Variants in MAD1L1 observed in about 807,000 individuals in gnomAD.
The protein encoded by MAD1L1 is mitotic spindle assembly checkpoint protein MAD1.
MAD1L1 carries 95 observed loss-of-function variants against 96.9 expected under a neutral mutation model. The ratio of observed to expected loss-of-function variants is 0.98; its 90% confidence interval spans 0.83 to 1.16. MAD1L1 has a LOEUF of 1.16. Among genes scored for constraint, MAD1L1 ranks in the 50% most tolerant of loss-of-function variants. The pLI is 0.00. For missense variants in MAD1L1, 1,007 were observed against 954.4 expected (o/e 1.06, Z -0.73); for synonymous variants, 473 against 396.6 (o/e 1.19, Z -2.29).
At chr7:2,028,195 G>A (rs1366163484) in intron 12 of MAD1L1, among the ~76,000 whole-genome samples, 2 of 152,096 alleles carry the variant, frequency 1.3e-5, no homozygotes, top group African/African-American at 4.8e-5. Flanking sequence ...GGAGGCCGAG[G>A]CAGGCGGATT....
At chr7:1,841,914 C>A (rs1391356410) in intron 18 of MAD1L1, among the ~76,000 whole-genome samples, 1 of 152,144 alleles carries the variant, frequency 6.6e-6, no homozygotes, top group African/African-American at 2.4e-5. Context: ...GCTGAGAACC[C>A]GGTAGCCAGG....
intron 14 of MAD1L1, among the ~76,000 whole-genome samples, chr7:1,987,835 T>C (rs1032543979): frequency 2.0e-5 from 3 of 152,150 alleles, no homozygotes; most frequent in African/African-American, 7.2e-5. Context: ...CACAGGCACC[T>C]GTGCCTCCAG....
At chr7:2,027,740 T>C (rs1421639884) in intron 12 of MAD1L1, among the ~76,000 whole-genome samples, 1 of 152,222 alleles carries the variant, frequency 6.6e-6, no homozygotes, top group Non-Finnish European at 1.5e-5. Context: ...AGGATTTCCT[T>C]ACTAAAGTCG....
At chr7:2,078,230 C>T (rs997808983) in intron 11 of MAD1L1, among the ~76,000 whole-genome samples, 2 of 152,180 alleles carry the variant, frequency 1.3e-5, no homozygotes, top group African/African-American at 4.8e-5. Context: ...GCCCTGGGAC[C>T]TACAGGGTTG....
chr7:2,207,613 C>G (rs1009493916), intron 10 of MAD1L1, among the ~76,000 whole-genome samples: 1 of 152,228 alleles, frequency 6.6e-6, no homozygotes, highest in Non-Finnish European at 1.5e-5. Context: ...CCTCTCCTCA[C>G]ACCTCACTCT....
At chr7:1,941,693 G>A (rs1296584379) in intron 16 of MAD1L1, among the ~76,000 whole-genome samples, 1 of 152,230 alleles carries the variant, frequency 6.6e-6, no homozygotes. Flanking sequence ...GGTTCCCGTG[G>A]CCCGGCTTCC....
chr7:2,169,172 G>A (rs909237383), intron 10 of MAD1L1, among the ~76,000 whole-genome samples: 5 of 152,152 alleles, frequency 3.3e-5, no homozygotes, highest in Non-Finnish European at 5.9e-5. Flanking sequence ...GACCTATGAC[G>A]CAAACGCAGG....
At chr7:2,161,445 C>T (rs142930614) in intron 10 of MAD1L1, among the ~76,000 whole-genome samples, 12,995 of 152,032 alleles carry the variant, frequency 0.085, 747 homozygotes, top group Non-Finnish European at 0.13. Context: ...GGCGTGATCT[C>T]GGCTCGCTAC....
chr7:1,914,281 G>A (rs1055935168), intron 17 of MAD1L1, among the ~76,000 whole-genome samples: 2 of 152,228 alleles, frequency 1.3e-5, no homozygotes, highest in African/African-American at 2.4e-5. Flanking sequence ...GCCCAGGACC[G>A]CACGTGGGAA....
chr7:2,190,807 G>C (rs901220525), intron 10 of MAD1L1, among the ~76,000 whole-genome samples: 1 of 152,170 alleles, frequency 6.6e-6, no homozygotes, highest in Non-Finnish European at 1.5e-5. Flanking sequence ...GAATGCATTC[G>C]GGATGCGGGG....
intron 18 of MAD1L1, among the ~76,000 whole-genome samples, chr7:1,860,818 G>A (rs1432254704): frequency 6.6e-6 from 1 of 152,236 alleles, no homozygotes; most frequent in Non-Finnish European, 1.5e-5. Flanking sequence ...AGCATCCCGA[G>A]CACAAGGGCA....
At chr7:1,982,221 A>G (rs1780938517) in intron 14 of MAD1L1, among the ~76,000 whole-genome samples, 1 of 151,810 alleles carries the variant, frequency 6.6e-6, no homozygotes, top group East Asian at 1.9e-4. Context: ...ACATAAATAT[A>G]CATATATATT....
chr7:2,150,055 A>C (rs536811858), intron 10 of MAD1L1, among the ~76,000 whole-genome samples: 154 of 152,308 alleles, frequency 1.0e-3, no homozygotes, highest in African/African-American at 3.6e-3. Context: ...GCAGGTCCAC[A>C]TAGAAAGCAG....
chr7:1,929,253 C>T (rs1373793766), intron 17 of MAD1L1, among the ~76,000 whole-genome samples: 1 of 152,188 alleles, frequency 6.6e-6, no homozygotes, highest in Non-Finnish European at 1.5e-5. Context: ...CCCTGCCTCC[C>T]TCCTCCCCAA....
intron 18 of MAD1L1, among the ~76,000 whole-genome samples, chr7:1,840,917 G>T (rs1783217161): frequency 6.6e-6 from 1 of 152,232 alleles, no homozygotes; most frequent in Non-Finnish European, 1.5e-5. Flanking sequence ...ACGGCGAGAG[G>T]CCACGCAGGC....
At chr7:1,978,888 C>G (rs1780767763) in intron 15 of MAD1L1, among the ~76,000 whole-genome samples, 1 of 152,212 alleles carries the variant, frequency 6.6e-6, no homozygotes, top group South Asian at 2.1e-4. Flanking sequence ...ACTTGAACGG[C>G]TGAGCAGATG....
chr7:2,096,367 G>A (rs1163715441), intron 11 of MAD1L1, among the ~76,000 whole-genome samples: 1 of 152,188 alleles, frequency 6.6e-6, no homozygotes, highest in East Asian at 1.9e-4. Context: ...GGGGTGGCGG[G>A]GCTCATGCCT....
chr7:1,979,753 G>A (rs776890654), intron 15 of MAD1L1, among the ~76,000 whole-genome samples: 15 of 152,194 alleles, frequency 9.9e-5, no homozygotes, highest in Non-Finnish European at 1.8e-4. Flanking sequence ...TGCTGGACAC[G>A]CCTGGCTGCT....
chr7:2,085,761 A>G (rs1341439581), intron 11 of MAD1L1, among the ~76,000 whole-genome samples: 2 of 152,184 alleles, frequency 1.3e-5, no homozygotes, highest in Non-Finnish European at 2.9e-5. Flanking sequence ...GGCTACTATG[A>G]GCAATGCTGC....
Sources: allele counts gnomAD v4.1 joint callset (sites outside exome capture counted in the v4.1 genomes callset), GRCh38; gene constraint gnomAD v4.1.1; transcripts MANE v1.5; gene names NCBI Gene and HGNC (gene_info 2026-07-23, HGNC 2026-07-21).